ANKRD30A: variants seen among roughly 807,000 people sequenced by gnomAD.
The protein encoded by ANKRD30A is ankyrin repeat domain 30A.
ANKRD30A carries 170 observed loss-of-function variants against 166.3 expected under a neutral mutation model. That is an observed-to-expected ratio of 1.02 (90% CI 0.90 to 1.16). The LOEUF (loss-of-function observed/expected upper bound fraction) is 1.16, where lower values mean the gene tolerates loss of function less well. Among genes scored for constraint, ANKRD30A ranks in the 50% most tolerant of loss-of-function variants. The pLI is 0.00. For synonymous variants in ANKRD30A, 564 were observed against 508.9 expected (o/e 1.11, Z -1.46); for missense variants, 1,630 against 1,518.0 (o/e 1.07, Z -1.23).
chr10:37,148,539 T>C (rs1285922055), intron 9 of ANKRD30A, among the ~76,000 whole-genome samples: 3 of 151,822 alleles, frequency 2.0e-5, no homozygotes, highest in East Asian at 3.9e-4. Context: ...AGAAGGTAGG[T>C]AGGTAATTTT....
chr10:37,232,695 A>AGAGAGAGAGAGAGAGAGAGAGAG (rs1564604874), downstream of ANKRD30A: 1 of 10,842 alleles, frequency 9.2e-5, no homozygotes, highest in African/African-American at 2.4e-4. Flanking sequence ...TATATATATA[A>AGAGAGAGAGAGAGAGAGAGAGAG]ATAGAGAGAG....
intron 31 of ANKRD30A, among the ~76,000 whole-genome samples, chr10:37,212,896 C>T (rs1842412412): frequency 1.3e-5 from 2 of 151,432 alleles, no homozygotes; most frequent in South Asian, 4.2e-4. Flanking sequence ...ATGAATTTGT[C>T]AATTTTGTCT....
At chr10:37,199,817 A>G (rs766349931) in intron 30 of ANKRD30A, 29 bp downstream of exon 30, 74 of 1,347,176 alleles carry the variant, frequency 5.5e-5, no homozygotes, top group Non-Finnish European at 7.4e-5. Flanking sequence ...TTTTTTAAAT[A>G]TTAGTATTGC....
At chr10:37,198,456 A>G (rs1841338778) in intron 29 of ANKRD30A, among the ~76,000 whole-genome samples, 2 of 152,134 alleles carry the variant, frequency 1.3e-5, no homozygotes, top group Non-Finnish European at 2.9e-5. Context: ...AAACATGCAG[A>G]TTTCTGCATC....
At chr10:37,190,773 C>T (rs1840490559) in intron 25 of ANKRD30A, among the ~76,000 whole-genome samples, 1 of 151,638 alleles carries the variant, frequency 6.6e-6, no homozygotes, top group East Asian at 1.9e-4. Context: ...TGGACTAAAC[C>T]TCAGTGACTC....
chr10:37,219,464 A>T lies in ANKRD30A; in HGVS notation c.3752A>T (p.Gln1251Leu). 1 of 1,610,322 alleles carries T rather than the reference A, an allele frequency of 6.2e-7. No individual in the cohort carries two copies. Among genetic ancestry groups the T allele is most frequent in the Non-Finnish European group, 8.5e-7 (1 of 1,177,672 alleles). ...ATATATAACAATGAGGTGCTCCATCAACCACTTTCTGAAGCTCAAAGGAAA... is the reference window on the plus strand; with the variant it reads ...ATATATAACAATGAGGTGCTCCATCTACCACTTTCTGAAGCTCAAAGGAAA... ...STIYNNEVLH[Q>L]PLSEAQRKSK... is the part of the protein sequence containing the mutation. The change falls in exon 34 of 36, where the codon CAA (glutamine) becomes CTA (leucine). Residue 1251 changes from glutamine to leucine, a missense_variant. Coordinates refer to ENST00000361713, the MANE Select transcript of ANKRD30A (RefSeq NM_052997.3).
In ANKRD30A at chr10:37,141,891, G is replaced by T; in HGVS notation, c.994G>T (p.Val332Leu). The T allele has an allele frequency of 6.2e-7, 1 of 1,614,192 alleles. No homozygotes were observed. Among genetic ancestry groups the T allele is most frequent in the Non-Finnish European group, 8.5e-7 (1 of 1,180,030 alleles). Residue 332 changes from valine to leucine, a missense_variant, in exon 7 of 36, where the codon GTG (valine) becomes TTG (leucine). By Grantham distance (32) the Val-to-Leu change is conservative. Coordinates refer to ENST00000361713, the MANE Select transcript of ANKRD30A (RefSeq NM_052997.3). Reference sequence around the variant, plus strand: ...AACACCTGATGAGGCTGCATCCTTGGTGGAGGGAACATCTGACAAAATTCA... The same window carrying T: ...AACACCTGATGAGGCTGCATCCTTGTTGGAGGGAACATCTGACAAAATTCA... ...EKTPDEAASLVEGTSDKIQCL... is the reference protein window; with the variant it reads ...EKTPDEAASLLEGTSDKIQCL...
At chr10:37,238,468 C>T in the ANKRD30A span, among the ~76,000 whole-genome samples, 1 of 152,122 alleles carries the variant, frequency 6.6e-6, no homozygotes, top group Non-Finnish European at 1.5e-5. Flanking sequence ...TATATCTCTC[C>T]TACCATTTAT....
intron 8 of ANKRD30A, 137 bp downstream of exon 8, chr10:37,145,193 T>G (rs1325087635): frequency 3.0e-6 from 2 of 658,066 alleles, no homozygotes; most frequent in Non-Finnish European, 4.8e-6. Flanking sequence ...AAAAACATAC[T>G]TGGCTGGGCA....
At chr10:37,192,724 ACT>A (rs1840703957) in intron 25 of ANKRD30A, among the ~76,000 whole-genome samples, 1 of 152,008 alleles carries the variant, frequency 6.6e-6, no homozygotes, top group Non-Finnish European at 1.5e-5. Flanking sequence ...GTGTGGCATG[ACT>A]TGGTCATCTT....
the ANKRD30A span, among the ~76,000 whole-genome samples, chr10:37,241,492 T>A: frequency 6.6e-6 from 1 of 151,992 alleles, no homozygotes; most frequent in African/African-American, 2.4e-5. Context: ...TTTTAGTGGA[T>A]CTTACAAATA....
chr10:37,213,556 CTTTTTTTT>C (rs397965588), intron 31 of ANKRD30A, among the ~76,000 whole-genome samples: 2 of 132,562 alleles, frequency 1.5e-5, no homozygotes, highest in Non-Finnish European at 3.3e-5. Flanking sequence ...TCTTCTTCTT[CTTTTTTTT>C]TTTTTTTTTG....
At chr10:37,195,965 G>A (rs1304761350) in intron 27 of ANKRD30A, among the ~76,000 whole-genome samples, 1 of 151,890 alleles carries the variant, frequency 6.6e-6, no homozygotes, top group Non-Finnish European at 1.5e-5. Flanking sequence ...AGAAGGAAAA[G>A]ATAAACAGAA....
chr10:37,149,893 T>C lies in ANKRD30A; in HGVS notation c.1645+44T>C, dbSNP rs777814886. 3 of 1,607,296 alleles carry C rather than the reference T, an allele frequency of 1.9e-6. No homozygotes were observed. The South Asian group carries it at 3.3e-5, about 18-fold the overall frequency. ...CTATGCAAAGACGAATATTTCAATA[T>C]TGGACATTTTGATGGTCTTTCTATC... On this transcript the variant is annotated intron_variant, in intron 11 of 35. Transcript: ENST00000361713.
the ANKRD30A span, among the ~76,000 whole-genome samples, chr10:37,243,576 G>C: frequency 1.3e-5 from 2 of 152,066 alleles, no homozygotes; most frequent in African/African-American, 2.4e-5. Context: ...TTCATGCTTA[G>C]TATGTAGTAA....
At chr10:37,242,614 G>A in the ANKRD30A span, among the ~76,000 whole-genome samples, 2 of 152,106 alleles carry the variant, frequency 1.3e-5, no homozygotes, top group Non-Finnish European at 2.9e-5. Context: ...ATATAAAAAA[G>A]TCATGACTTT....
chr10:37,240,558 G>T, the ANKRD30A span, among the ~76,000 whole-genome samples: 1 of 152,110 alleles, frequency 6.6e-6, no homozygotes, highest in Non-Finnish European at 1.5e-5. Flanking sequence ...AAATTATTCA[G>T]CTTTTTCTTA....
chr10:37,237,745 A>G, the ANKRD30A span, among the ~76,000 whole-genome samples: 18 of 152,322 alleles, frequency 1.2e-4, no homozygotes, highest in African/African-American at 4.3e-4. Flanking sequence ...TTAATATCTC[A>G]TAAGCTATAC....
intron 15 of ANKRD30A, among the ~76,000 whole-genome samples, chr10:37,161,062 A>G (rs1192769741): frequency 6.6e-6 from 1 of 152,124 alleles, no homozygotes; most frequent in Non-Finnish European, 1.5e-5. Context: ...GACCATCCTG[A>G]CTAACAAGGC....
Sources: allele counts gnomAD v4.1 joint callset (sites outside exome capture counted in the v4.1 genomes callset), GRCh38; gene constraint gnomAD v4.1.1; transcripts MANE v1.5; gene names NCBI Gene and HGNC (gene_info 2026-07-23, HGNC 2026-07-21).